LATS2: variants seen among roughly 807,000 people sequenced by gnomAD.
LATS2 encodes large tumor suppressor kinase 2, also known as serine/threonine-protein kinase LATS2.
LATS2 carries 24 observed loss-of-function variants against 76.0 expected under a neutral mutation model. The ratio of observed to expected loss-of-function variants is 0.32; its 90% CI spans 0.23 to 0.44. The LOEUF (loss-of-function observed/expected upper bound fraction) is 0.44, where lower values mean the gene tolerates loss of function less well. Ranked by LOEUF, LATS2 falls within the 20% of genes least tolerant of loss-of-function variation. The pLI is 1.00. For synonymous variants in LATS2, 692 were observed against 635.4 expected, an observed-to-expected ratio of 1.09 and a Z score of -1.34; for missense variants, 1,286 against 1,481.2, an observed-to-expected ratio of 0.87 and a Z score of 2.16.
chr13:20,999,381 A>C (rs1795942535), intron 2 of LATS2, among the ~76,000 whole-genome samples: 1 of 152,128 alleles, frequency 6.6e-6, no homozygotes, highest in Admixed American at 6.5e-5. Context: ...ATTTGGCATA[A>C]TGTTTTGTTT....
chr13:21,036,206 A>G (rs1872679586), intron 2 of LATS2, among the ~76,000 whole-genome samples: 1 of 151,230 alleles, frequency 6.6e-6, no homozygotes, highest in Admixed American at 6.6e-5. Context: ...TAATTTTTGT[A>G]TTTTTAGTAG....
At chr13:21,058,131 C>A (rs1160591710) in intron 1 of LATS2, among the ~76,000 whole-genome samples, 1 of 152,354 alleles carries the variant, frequency 6.6e-6, no homozygotes, top group South Asian at 2.1e-4. Flanking sequence ...ACCCTTCTTT[C>A]TGATCATCAG....
intron 4 of LATS2, among the ~76,000 whole-genome samples, chr13:20,984,022 C>CTG (rs1368820515): frequency 3.3e-5 from 5 of 152,250 alleles, no homozygotes; most frequent in Non-Finnish European, 2.9e-5. Context: ...CCTCCGCCTC[C>CTG]TGGGTTCCAG....
rs1354761293 is a variant in LATS2, at chr13:20,989,222, C to T, written c.558G>A (p.Leu186=). 1.2e-6 allele frequency: 2 copies of T among 1,613,800 alleles called. No individual in the cohort carries two copies. Among genetic ancestry groups the T allele is most frequent in the South Asian group, 1.1e-5 (1 of 91,090 alleles). Residue 186 remains leucine, a synonymous_variant, in exon 4 of 8, where the codon CTG becomes CTA. Coordinates refer to ENST00000382592, the MANE Select transcript of LATS2 (RefSeq NM_014572.3). The part of the protein sequence containing the change: ...TGDSFASYHQ[L]SGTPYEGPSF... ...TTGGGCCCTCGTAGGGGGTACCGCTCAGCTGGTGGTAGGACGCAAACGAAT... is the reference window on the plus strand; with the variant it reads ...TTGGGCCCTCGTAGGGGGTACCGCTTAGCTGGTGGTAGGACGCAAACGAAT...
chr13:20,975,294 A>T lies in LATS2; in HGVS notation c.2843T>A (p.Ile948Asn). The change falls in exon 8 of 8, where the codon ATC becomes AAC. Residue 948 changes from isoleucine to asparagine, a missense_variant. By Grantham distance (149) the Ile-to-Asn change is moderately radical. Transcript: ENST00000382592. ...VKLSPEARDL[I>N]TKLCCSADHR... ...GTCTGCGGAGCAGCACAGCTTGGTG[A>T]TGAGGTCCCTGGCCTCAGGGCTCAG... 6.2e-7 allele frequency: 1 copy of T among 1,612,492 alleles called. No individual in the cohort carries two copies. Among genetic ancestry groups the T allele is most frequent in the Non-Finnish European group, 8.5e-7 (1 of 1,179,066 alleles).
At chr13:21,001,489 T>C (rs1871038775) in intron 2 of LATS2, among the ~76,000 whole-genome samples, 1 of 152,216 alleles carries the variant, frequency 6.6e-6, no homozygotes, top group African/African-American at 2.4e-5. Context: ...CTGTGCCAGT[T>C]CTGAGCCTCA....
chr13:20,981,417 C>G, intron 6 of LATS2, 49 bp downstream of exon 6: 1 of 1,557,720 alleles, frequency 6.4e-7, no homozygotes, highest in Non-Finnish European at 8.7e-7. Flanking sequence ...CAGCTCACGT[C>G]TGAAGGGAAG....
At chr13:20,981,363 G>T in intron 6 of LATS2, 103 bp downstream of exon 6, 1 of 1,059,668 alleles carries the variant, frequency 9.4e-7, no homozygotes. Context: ...ACAAAAATAT[G>T]ACTGGAAGCA....
chr13:21,005,915 A>C (rs752615675), intron 2 of LATS2, among the ~76,000 whole-genome samples: 10 of 152,072 alleles, frequency 6.6e-5, no homozygotes, highest in Non-Finnish European at 1.3e-4. Context: ...GGAGTTCAAG[A>C]CCAGCCTGAC....
Position 20,974,142 on chromosome 13 carries a change from G to A in LATS2, c.*728C>T, listed in dbSNP as rs1258533047. 1.3e-5 allele frequency: 3 copies of A among 227,558 alleles called. No individual in the cohort carries two copies. The highest frequency in any genetic ancestry group is 6.7e-5 in the African/African-American group (3 of 44,892). The allele number at this position is 227,558 out of a possible 1,614,324, so 14.1% of individuals were successfully genotyped here. A position where few individuals can be genotyped will look rare whatever the true frequency, so the allele number is the denominator to read the frequency against. On this transcript the variant is annotated 3_prime_UTR_variant, in exon 8 of 8. Transcript: ENST00000382592. ...AGAACACCTCATTTAAAGACACTCA[G>A]TAAAAACGTATTCACAGGACCTGCT...
intron 1 of LATS2, among the ~76,000 whole-genome samples, chr13:21,050,321 T>C (rs973007804): frequency 2.6e-5 from 4 of 151,742 alleles, no homozygotes; most frequent in Admixed American, 6.6e-5. Context: ...CTCTTGTAAA[T>C]AGCATCCAAA....
chr13:21,039,714 C>A (rs1478544754), intron 2 of LATS2, among the ~76,000 whole-genome samples: 2 of 152,170 alleles, frequency 1.3e-5, no homozygotes, highest in African/African-American at 4.8e-5. Context: ...ACAGGGAGAG[C>A]AAGACGGGAA....
At chr13:20,976,938 C>A (rs908719139) in intron 7 of LATS2, among the ~76,000 whole-genome samples, 1 of 152,196 alleles carries the variant, frequency 6.6e-6, no homozygotes, top group African/African-American at 2.4e-5. Context: ...GATATAAACC[C>A]ACTTTCTGGT....
chr13:20,987,566 T>C (rs1870213381), intron 4 of LATS2, among the ~76,000 whole-genome samples: 2 of 152,246 alleles, frequency 1.3e-5, no homozygotes, highest in African/African-American at 4.8e-5. Context: ...TGATGAATTT[T>C]GTTAAGCGAG....
In LATS2 at chr13:21,044,766, G is replaced by A. The variant is rs539136793; in HGVS notation, c.342+919C>T. ...TTAAATAGAGATAGGGTCTCGCTCA[G>A]CTAACCAGGATTGGAGTGCAGTGGC... On this transcript the variant is annotated intron_variant, in intron 2 of 7. Transcript: ENST00000382592. Among the ~76,000 whole-genome samples, 26 of 150,704 alleles carry A rather than the reference G, an allele frequency of 1.7e-4. No homozygotes were observed. In the South Asian group the frequency reaches 4.8e-3, roughly 28 times the overall value.
chr13:20,998,223 G>A (rs1451219383), intron 2 of LATS2, among the ~76,000 whole-genome samples: 5 of 152,102 alleles, frequency 3.3e-5, no homozygotes, highest in Admixed American at 1.3e-4. Context: ...GCATGGTGGT[G>A]GGTGCCTGTA....
At chr13:20,993,625 T>C (rs1483824177) in intron 2 of LATS2, among the ~76,000 whole-genome samples, 2 of 151,978 alleles carry the variant, frequency 1.3e-5, no homozygotes, top group Non-Finnish European at 2.9e-5. Context: ...ACAGACCTGT[T>C]TGTTAAAGTG....
chr13:21,035,240 G>A (rs1276545016), intron 2 of LATS2, among the ~76,000 whole-genome samples: 2 of 152,088 alleles, frequency 1.3e-5, no homozygotes. Context: ...GCTGGGTAGT[G>A]ACTATGATAA....
rs1380062848 is a variant in LATS2 at position 20,973,970 on chromosome 13, T to C, written c.*900A>G. On this transcript the variant is annotated 3_prime_UTR_variant, in exon 8 of 8. Transcript: ENST00000382592. ...GTTCAGTATATGACAAATGTTTCAG[T>C]TCCCCCCCCCCAAAGAATCCAATCA... 4 of 154,214 alleles carry C rather than the reference T, an allele frequency of 2.6e-5. No homozygotes were observed. The highest frequency in any genetic ancestry group is 1.8e-3 in the Middle Eastern group (1 of 556). 9.6% of individuals were successfully genotyped at this position (154,214 alleles called of 1,614,324 possible).
Sources: allele counts gnomAD v4.1 joint callset (sites outside exome capture counted in the v4.1 genomes callset), GRCh38; gene constraint gnomAD v4.1.1; transcripts MANE v1.5; gene names NCBI Gene and HGNC (gene_info 2026-07-23, HGNC 2026-07-21).